Variants in PARVA observed in about 807,000 individuals in gnomAD.
PARVA encodes the protein alpha-parvin.
Under a neutral mutation model 52.6 loss-of-function variants are expected in PARVA, and 25 were observed. The ratio of observed to expected loss-of-function variants is 0.48; its 90% CI spans 0.35 to 0.66. PARVA has a LOEUF of 0.66. Among genes scored for constraint, PARVA ranks in the 30% least tolerant of loss-of-function variants. The pLI is 0.01. For missense variants in PARVA, 373 were observed against 450.9 expected, an observed-to-expected ratio of 0.83 and a Z score of 1.56; for synonymous variants, 185 against 179.1, an observed-to-expected ratio of 1.03 and a Z score of -0.26.
intron 12 of PARVA, among the ~76,000 whole-genome samples, chr11:12,524,274 A>C (rs908684965): frequency 2.6e-5 from 4 of 152,296 alleles, no homozygotes; most frequent in African/African-American, 9.6e-5. Context: ...GTATTGCCCA[A>C]TTTTACCAGT....
chr11:12,518,048 G>C (rs953114764), intron 11 of PARVA, among the ~76,000 whole-genome samples: 2 of 152,236 alleles, frequency 1.3e-5, no homozygotes, highest in Non-Finnish European at 2.9e-5. Flanking sequence ...TGCTTAGCCT[G>C]GTTCTGATGG....
At chr11:12,470,519 G>A (rs760334153) in intron 1 of PARVA, among the ~76,000 whole-genome samples, 7 of 152,342 alleles carry the variant, frequency 4.6e-5, no homozygotes, top group African/African-American at 7.2e-5. Flanking sequence ...GGATATGAAC[G>A]TAGGCAGCTT....
intron 1 of PARVA, among the ~76,000 whole-genome samples, chr11:12,425,125 A>C (rs1432868396): frequency 1.3e-5 from 2 of 152,210 alleles, no homozygotes; most frequent in African/African-American, 2.4e-5. Context: ...GTATTTGAAC[A>C]GTTCGAGATG....
chr11:12,397,969 T>G (rs1050860106), intron 1 of PARVA, among the ~76,000 whole-genome samples: 51 of 152,102 alleles, frequency 3.4e-4, no homozygotes, highest in African/African-American at 1.1e-3. Flanking sequence ...TGCTAAGTGT[T>G]CCACTAGCCC....
intron 1 of PARVA, among the ~76,000 whole-genome samples, chr11:12,409,812 C>G (rs1419753936): frequency 1.3e-5 from 2 of 152,194 alleles, no homozygotes; most frequent in African/African-American, 4.8e-5. Context: ...TTTGTTAGAG[C>G]CACAGTTGGA....
chr11:12,478,474 G>C (rs976381468), intron 4 of PARVA: 3 of 216,678 alleles, frequency 1.4e-5, no homozygotes, highest in Admixed American at 1.0e-4. Context: ...GGTAATCTTA[G>C]TGTTGAAAGG....
At chr11:12,400,616 T>C (rs1326243401) in intron 1 of PARVA, among the ~76,000 whole-genome samples, 4 of 150,432 alleles carry the variant, frequency 2.7e-5, no homozygotes, top group Admixed American at 6.6e-5. Flanking sequence ...TATGGGACTT[T>C]TCTTGAGTAT....
rs537626159 is a variant in PARVA at position 12,452,458 on chromosome 11, A to G, written c.137-21287A>G. On this transcript the variant is annotated intron_variant, in intron 1 of 12. Transcript: ENST00000334956. ...GGACAGGCTCTCCCCACAACAACTG[A>G]GAAAAAGCTTTGAGAGCACAGCATA... is the stretch of plus-strand genomic sequence containing the variant. 2.6e-5 allele frequency among the ~76,000 whole-genome samples: 4 copies of G among 152,270 alleles called. No homozygotes were observed. In the South Asian group the frequency reaches 6.2e-4, roughly 24 times the overall value.
intron 1 of PARVA, among the ~76,000 whole-genome samples, chr11:12,448,797 G>A (rs1229633715): frequency 2.0e-5 from 3 of 152,188 alleles, no homozygotes; most frequent in Non-Finnish European, 4.4e-5. Context: ...CTTGAAAGCA[G>A]ACTCACTACT....
intron 4 of PARVA, among the ~76,000 whole-genome samples, chr11:12,483,575 A>C (rs1941117298): frequency 6.6e-6 from 1 of 152,122 alleles, no homozygotes; most frequent in Non-Finnish European, 1.5e-5. Context: ...AGGAAATAAA[A>C]ACTTCCAGGC....
intron 1 of PARVA, among the ~76,000 whole-genome samples, chr11:12,403,592 G>A (rs1381605727): frequency 2.0e-5 from 3 of 152,152 alleles, no homozygotes; most frequent in African/African-American, 4.8e-5. Context: ...CCAGTAAGCC[G>A]GTTTCTTTAT....
At chr11:12,447,237 G>A (rs1483787075) in intron 1 of PARVA, among the ~76,000 whole-genome samples, 1 of 152,094 alleles carries the variant, frequency 6.6e-6, no homozygotes, top group Non-Finnish European at 1.5e-5. Context: ...ATTTTTTTTG[G>A]TGGTATTTTT....
intron 1 of PARVA, among the ~76,000 whole-genome samples, chr11:12,457,234 C>T (rs971603672): frequency 2.6e-5 from 4 of 152,114 alleles, no homozygotes; most frequent in African/African-American, 7.2e-5. Context: ...AAAGCATCTT[C>T]GATTTACTAC....
intron 12 of PARVA, among the ~76,000 whole-genome samples, chr11:12,524,274 A>G (rs908684965): frequency 6.6e-6 from 1 of 152,178 alleles, no homozygotes; most frequent in African/African-American, 2.4e-5. Flanking sequence ...GTATTGCCCA[A>G]TTTTACCAGT....
At chr11:12,394,554 G>T (rs1340938355) in intron 1 of PARVA, among the ~76,000 whole-genome samples, 2 of 152,230 alleles carry the variant, frequency 1.3e-5, no homozygotes, top group African/African-American at 4.8e-5. Context: ...AAATAATGCA[G>T]TGTAGGGGTC....
At chr11:12,478,268 C>A in intron 4 of PARVA, 1 of 402,304 alleles carries the variant, frequency 2.5e-6, no homozygotes, top group Non-Finnish European at 4.7e-6. Context: ...GAAAAGCATG[C>A]CTGTGTGGCC....
chr11:12,522,888 T>C (rs983017728), intron 12 of PARVA, among the ~76,000 whole-genome samples: 2 of 151,896 alleles, frequency 1.3e-5, no homozygotes, highest in African/African-American at 4.8e-5. Context: ...GGCACGTATG[T>C]TGATGCTAGG....
At position 12,390,326 on chromosome 11, in the gene PARVA, AG is replaced by A. The variant is rs1939639489; in HGVS notation, c.136+12547del. On this transcript the variant is annotated intron_variant, in intron 1 of 12. Transcript: ENST00000334956. ...ATGGGGAAGGAGAGAGGAATTCAGG[AG>A]GGGTCTGTAGTTCTAATCACCATGT... Among the ~76,000 whole-genome samples the A allele has an allele frequency of 3.3e-5, 5 of 152,224 alleles. No individual in the cohort carries two copies. The South Asian group carries it at 8.3e-4, about 25-fold the overall frequency.
At chr11:12,423,043 G>A (rs776390942) in intron 1 of PARVA, among the ~76,000 whole-genome samples, 3 of 151,936 alleles carry the variant, frequency 2.0e-5, no homozygotes, top group Non-Finnish European at 4.4e-5. Context: ...TAGTAGAGAC[G>A]GGCTTTCACC....
Sources: allele counts gnomAD v4.1 joint callset (sites outside exome capture counted in the v4.1 genomes callset), GRCh38; gene constraint gnomAD v4.1.1; transcripts MANE v1.5; gene names NCBI Gene and HGNC (gene_info 2026-07-23, HGNC 2026-07-21).